The following RASGRP3 variants were observed in gnomAD, a reference collection of about 807,000 sequenced individuals.
RASGRP3 encodes RAS guanyl releasing protein 3.
Under a neutral mutation model 82.7 loss-of-function variants are expected in RASGRP3, and 54 were observed. That is an observed-to-expected ratio of 0.65 (90% CI 0.52 to 0.82). The LOEUF (loss-of-function observed/expected upper bound fraction) is 0.82, where lower values mean the gene tolerates loss of function less well. Ranked by LOEUF, RASGRP3 falls within the 40% of genes least tolerant of loss-of-function variation. The pLI, the probability that RASGRP3 is intolerant of heterozygous loss-of-function variation, is 0.00. For synonymous variants in RASGRP3, 309 were observed against 300.5 expected (o/e 1.03, Z -0.29); for missense variants, 861 against 828.9 (o/e 1.04, Z -0.48).
At position 33,515,354 on chromosome 2, in the gene RASGRP3, G is replaced by C. The variant is rs1424064841; in HGVS notation, c.70+148G>C. 3 of 712,414 alleles carry C rather than the reference G, an allele frequency of 4.2e-6. No individual in the cohort carries two copies. The African/African-American group carries it at 5.3e-5, about 13-fold the overall frequency. The allele number at this position is 712,414 out of a possible 1,614,324, so 44.1% of individuals were successfully genotyped here. A position where few individuals can be genotyped will look rare whatever the true frequency, so the allele number is the denominator to read the frequency against. On this transcript the variant is annotated intron_variant, in intron 3 of 17. Coordinates refer to ENST00000403687, the MANE Select transcript of RASGRP3 (RefSeq NM_001139488.2). ...GGATGGACCCGGGTCTGTCTCTCCA[G>C]TTTCACTGCCCTCCATATTTCTTTC...
At chr2:33,541,109 G>T (rs956123257) in intron 12 of RASGRP3, among the ~76,000 whole-genome samples, 2 of 147,192 alleles carry the variant, frequency 1.4e-5, no homozygotes, top group East Asian at 1.9e-4. Flanking sequence ...ACATGTGTTT[G>T]CAGAAAGAAC....
At position 33,524,415 on chromosome 2, in the gene RASGRP3, A is replaced by T; in HGVS notation, c.691-17A>T. On this transcript the variant is annotated splice_polypyrimidine_tract_variant and intron_variant, in intron 8 of 17. Coordinates refer to ENST00000403687, the MANE Select transcript of RASGRP3 (RefSeq NM_001139488.2). ...ATTTGAAAATCCTTAAAAAGCATTG[A>T]TGCATTTTTATTGCAGAAGCTCCTT... 6.9e-7 allele frequency: 1 copy of T among 1,456,842 alleles called. No homozygotes were observed. Among genetic ancestry groups the T allele is most frequent in the Non-Finnish European group, 9.4e-7 (1 of 1,063,358 alleles). The allele number at this position is 1,456,842 out of a possible 1,614,324, so 90.2% of individuals were successfully genotyped here. A position where few individuals can be genotyped will look rare whatever the true frequency, so the allele number is the denominator to read the frequency against.
At chr2:33,453,962 C>T (rs1665920763) in intron 2 of RASGRP3, among the ~76,000 whole-genome samples, 1 of 152,098 alleles carries the variant, frequency 6.6e-6, no homozygotes, top group African/African-American at 2.4e-5. Context: ...AGCTCAAAAT[C>T]AAGGTGTCAG....
intron 1 of RASGRP3, among the ~76,000 whole-genome samples, chr2:33,503,119 C>T (rs976770525): frequency 6.6e-6 from 1 of 152,182 alleles, no homozygotes; most frequent in African/African-American, 2.4e-5. Flanking sequence ...TTCTAAATTT[C>T]AACCACTTTA....
chr2:33,497,016 A>T (rs1558445844), intron 1 of RASGRP3, among the ~76,000 whole-genome samples: 1 of 152,168 alleles, frequency 6.6e-6, no homozygotes, highest in East Asian at 1.9e-4. Context: ...CTACTCATTG[A>T]TTAATGGTAG....
chr2:33,554,370 C>T (rs769632626), intron 14 of RASGRP3, among the ~76,000 whole-genome samples: 56 of 152,222 alleles, frequency 3.7e-4, no homozygotes, highest in Non-Finnish European at 5.3e-4. Context: ...AATAGTTCTT[C>T]TCCAACTTGA....
At chr2:33,521,717 C>A (rs1672052871) in intron 6 of RASGRP3, among the ~76,000 whole-genome samples, 1 of 152,228 alleles carries the variant, frequency 6.6e-6, no homozygotes, top group African/African-American at 2.4e-5. Context: ...CACAAAGACA[C>A]TAAGTAAGAA....
intron 1 of RASGRP3, chr2:33,481,824 C>T (rs564917417): frequency 6.6e-6 from 1 of 152,416 alleles, no homozygotes; most frequent in South Asian, 2.1e-4. Context: ...TTGCCTCAGC[C>T]TCCTGAGTAG....
chr2:33,441,298 A>G (rs1278191749), intron 1 of RASGRP3, among the ~76,000 whole-genome samples: 4 of 149,956 alleles, frequency 2.7e-5, no homozygotes, highest in Non-Finnish European at 5.9e-5. Context: ...TTCATTCTGT[A>G]TCTCTGTGTT....
intron 1 of RASGRP3, among the ~76,000 whole-genome samples, chr2:33,492,273 C>A (rs575723816): frequency 6.6e-6 from 1 of 152,218 alleles, no homozygotes; most frequent in East Asian, 1.9e-4. Context: ...GGCAATTGAC[C>A]TTTGTGTGTT....
At chr2:33,528,059 G>A (rs1394177809) in intron 10 of RASGRP3, among the ~76,000 whole-genome samples, 1 of 152,054 alleles carries the variant, frequency 6.6e-6, no homozygotes, top group Non-Finnish European at 1.5e-5. Context: ...CATCCATGTG[G>A]CAAGTTCAAT....
chr2:33,558,946 G>A lies in RASGRP3; in HGVS notation c.1980G>A (p.Val660=). 1.2e-6 allele frequency: 2 copies of A among 1,614,036 alleles called. No individual in the cohort carries two copies. Among genetic ancestry groups the A allele is most frequent in the East Asian group, 2.2e-5 (1 of 44,884 alleles). The change falls in exon 17 of 18, where the codon GTG becomes GTA. Residue 660 remains valine (V), a synonymous_variant. Coordinates refer to ENST00000403687, the MANE Select transcript of RASGRP3 (RefSeq NM_001139488.2). ...AATGGGAAAATGAGAAGCCCAGGGT[G>A]CATGCTGGTGTGGATGTTGTAGACC... The part of the protein sequence containing the change: ...FAKWENEKPR[V]HAGVDVVDRG...
intron 1 of RASGRP3, among the ~76,000 whole-genome samples, chr2:33,438,642 C>T (rs547134341): frequency 8.6e-5 from 13 of 151,850 alleles, no homozygotes; most frequent in South Asian, 4.2e-4. Flanking sequence ...AATAGTTCTA[C>T]GGTAGTTCTA....
chr2:33,449,318 G>A (rs896998359), intron 2 of RASGRP3, among the ~76,000 whole-genome samples: 5 of 152,086 alleles, frequency 3.3e-5, no homozygotes, highest in East Asian at 1.9e-4. Context: ...CCAACCTTTC[G>A]TCATTGCAAT....
At chr2:33,533,638 G>C (rs1223741717) in intron 10 of RASGRP3, 1 of 152,216 alleles carries the variant, frequency 6.6e-6, no homozygotes, top group Non-Finnish European at 1.5e-5. Flanking sequence ...TACAGAGCTA[G>C]CCAGTGGCAG....
intron 1 of RASGRP3, among the ~76,000 whole-genome samples, chr2:33,485,218 A>G (rs1323266097): frequency 1.3e-5 from 2 of 152,188 alleles, no homozygotes; most frequent in East Asian, 1.9e-4. Flanking sequence ...ACAAAACTCT[A>G]TGAAAAGGGA....
intron 1 of RASGRP3, chr2:33,493,188 T>C (rs13408063): frequency 0.33 from 49,804 of 152,076 alleles, 8,756 homozygotes; most frequent in African/African-American, 0.42. Context: ...TATCTCCCCA[T>C]GGCTAAAATT....
intron 1 of RASGRP3, among the ~76,000 whole-genome samples, chr2:33,443,439 C>A (rs1431879781): frequency 6.6e-6 from 1 of 152,102 alleles, no homozygotes; most frequent in Non-Finnish European, 1.5e-5. Context: ...TACTAGAATT[C>A]TTTGGATGGG....
chr2:33,520,801 G>A (rs1454445939), intron 6 of RASGRP3, 117 bp downstream of exon 6: 25 of 1,413,288 alleles, frequency 1.8e-5, no homozygotes, highest in Non-Finnish European at 2.2e-5. Flanking sequence ...TTGCTTCTGT[G>A]AGGAAAGCCT....
Sources: gnomAD v4.1 joint callset for allele counts (sites outside exome capture counted in the v4.1 genomes callset) on GRCh38, gnomAD v4.1.1 for gene constraint, MANE v1.5 for transcripts, NCBI Gene and HGNC (gene_info 2026-07-23, HGNC 2026-07-21) for gene names.